DMD: variants seen among roughly 807,000 people sequenced by gnomAD.
DMD encodes mutant dystrophin.
In DMD, 63 loss-of-function variants were observed where a neutral mutation model predicts 330.1. The ratio of observed to expected loss-of-function variants is 0.19; its 90% confidence interval spans 0.16 to 0.24. The LOEUF is 0.24. Among genes scored for constraint, DMD ranks in the 10% least tolerant of loss-of-function variants. DMD has a pLI of 1.00. For missense variants in DMD, 3,344 were observed against 2,684.1 expected (o/e 1.25, Z -5.43); for synonymous variants, 1,223 against 959.8 (o/e 1.27, Z -5.07).
chrX:32,662,055 T>A (rs1169294181), intron 9 of DMD, among the ~76,000 whole-genome samples: 1 of 111,395 alleles, frequency 9.0e-6, no homozygotes, highest in East Asian at 2.8e-4. Flanking sequence ...CATAGTGAGA[T>A]AATCAATACT....
intron 55 of DMD, among the ~76,000 whole-genome samples, chrX:31,618,199 C>T (rs1430042029): frequency 9.6e-6 from 1 of 104,043 alleles, no homozygotes; most frequent in African/African-American, 3.6e-5. Flanking sequence ...TGTAACAAAC[C>T]TGCACATGTG....
chrX:32,565,718 T>C lies in DMD; in HGVS notation c.1976A>G (p.Glu659Gly), dbSNP rs781735140. Residue 659 changes from glutamate to glycine, a missense_variant, in exon 16 of 79, where the codon GAA (glutamate) becomes GGA (glycine). Physicochemically the swap from Glu to Gly is moderately conservative, Grantham distance 98. Transcript: ENST00000357033. ...ATCACTAACCTGTGCTGTACTCTTT[T>C]CAAGTTTTTGGACTAAATTATCCCA... ...RCWDNLVQKL[E>G]KSTAQISQAV... The C allele has an allele frequency of 8.3e-7, 1 of 1,211,717 alleles. No individual in the cohort carries two copies. The highest frequency in any genetic ancestry group is 1.1e-6 in the Non-Finnish European group (1 of 895,329).
intron 43 of DMD, among the ~76,000 whole-genome samples, chrX:32,231,733 G>A (rs1167916883): frequency 5.4e-5 from 6 of 111,557 alleles, no homozygotes; most frequent in African/African-American, 1.6e-4. Context: ...TAATTAACAA[G>A]AGCCTATACA....
At chrX:33,150,242 T>C (rs975603783) in intron 1 of DMD, among the ~76,000 whole-genome samples, 2 of 108,905 alleles carry the variant, frequency 1.8e-5, no homozygotes, top group African/African-American at 6.7e-5. Flanking sequence ...TACCACCAAA[T>C]CCTCTTGATT....
chrX:32,847,525 T>C (rs1467373977), intron 3 of DMD, among the ~76,000 whole-genome samples: 3 of 112,329 alleles, frequency 2.7e-5, no homozygotes, highest in Non-Finnish European at 5.6e-5. Context: ...CAGAAACTAT[T>C]AGAATTCAAG....
intron 47 of DMD, among the ~76,000 whole-genome samples, chrX:31,919,376 G>A (rs1360897585): frequency 8.9e-6 from 1 of 112,557 alleles, no homozygotes; most frequent in African/African-American, 3.2e-5. Context: ...ATCACAGTCA[G>A]AATGTGTCAC....
intron 1 of DMD, among the ~76,000 whole-genome samples, chrX:33,089,809 C>T (rs1256635880): frequency 1.8e-5 from 2 of 109,937 alleles, no homozygotes; most frequent in Admixed American, 9.8e-5. Flanking sequence ...TACAAAAGGA[C>T]GTTTAAAAAA....
chrX:32,559,489 A>G (rs1254741662), intron 16 of DMD, among the ~76,000 whole-genome samples: 1 of 111,919 alleles, frequency 8.9e-6, no homozygotes, highest in African/African-American at 3.2e-5. Flanking sequence ...AAAGCCTTAG[A>G]GTATTTTTAA....
intron 66 of DMD, among the ~76,000 whole-genome samples, chrX:31,205,339 T>C (rs991660303): frequency 4.5e-5 from 5 of 112,213 alleles, no homozygotes; most frequent in Non-Finnish European, 7.5e-5. Flanking sequence ...TGCTCTCCGA[T>C]ATACATACCT....
chrX:31,550,748 C>A (rs2074424523), intron 55 of DMD, among the ~76,000 whole-genome samples: 1 of 111,800 alleles, frequency 8.9e-6, no homozygotes, highest in Admixed American at 9.5e-5. Context: ...GTAACTATAT[C>A]CACTAAAGTC....
chrX:32,385,332 G>C (rs2097950455), intron 33 of DMD, among the ~76,000 whole-genome samples: 1 of 110,807 alleles, frequency 9.0e-6, no homozygotes, highest in Non-Finnish European at 1.9e-5. Context: ...AAATGGTTCT[G>C]AGAAATTGGA....
At chrX:32,501,071 A>C (rs991135307) in intron 19 of DMD, among the ~76,000 whole-genome samples, 1 of 112,223 alleles carries the variant, frequency 8.9e-6, no homozygotes, top group Admixed American at 9.5e-5. Context: ...TAGCAATGAT[A>C]ATTTGAAAGA....
chrX:31,618,605 A>G (rs1222740223), intron 55 of DMD, among the ~76,000 whole-genome samples: 1 of 111,949 alleles, frequency 8.9e-6, no homozygotes, highest in Non-Finnish European at 1.9e-5. Context: ...TGCTGAGTCA[A>G]TGTAGAGTAA....
At chrX:32,212,289 G>C (rs986290125) in intron 44 of DMD, among the ~76,000 whole-genome samples, 3 of 111,613 alleles carry the variant, frequency 2.7e-5, no homozygotes, top group Non-Finnish European at 5.7e-5. Flanking sequence ...GAAATTTCCA[G>C]GTTGGTTTTT....
At chrX:31,990,493 C>T (rs1356397716) in intron 44 of DMD, among the ~76,000 whole-genome samples, 1 of 112,033 alleles carries the variant, frequency 8.9e-6, no homozygotes, top group African/African-American at 3.2e-5. Context: ...GTTAAGGTTG[C>T]CTTTATAGTA....
chrX:32,810,655 T>G (rs986860205), intron 6 of DMD, among the ~76,000 whole-genome samples: 1 of 112,088 alleles, frequency 8.9e-6, no homozygotes, highest in South Asian at 3.7e-4. Context: ...CCAAAATCCA[T>G]TTTATCTTGC....
At position 33,281,024 on chromosome X, in the gene DMD, G is replaced by C. The variant is rs972499409; in HGVS notation, c.7+58235C>G. 2.8e-4 allele frequency among the ~76,000 whole-genome samples: 31 copies of C among 111,691 alleles called. 1 individual carries two copies. Among genetic ancestry groups the C allele is most frequent in the African/African-American group, 9.1e-4 (28 of 30,717 alleles). ...TGTCTTAAAAATAGATCAACTTAGAGAGAATTCACATCTTTACTATGGTGA... is the reference window on the plus strand; with the variant it reads ...TGTCTTAAAAATAGATCAACTTAGACAGAATTCACATCTTTACTATGGTGA... On this transcript the variant is annotated intron_variant, in intron 1 of 17. Coordinates refer to the DMD transcript ENST00000288447.
chrX:32,717,567 C>T (rs1050370670), intron 7 of DMD, among the ~76,000 whole-genome samples: 15 of 111,820 alleles, frequency 1.3e-4, no homozygotes, highest in African/African-American at 4.9e-4. Flanking sequence ...TCTACTAGGG[C>T]AGTGCAGAAG....
intron 1 of DMD, among the ~76,000 whole-genome samples, chrX:33,050,094 C>T (rs1479450424): frequency 9.0e-6 from 1 of 110,747 alleles, no homozygotes; most frequent in Non-Finnish European, 1.9e-5. Flanking sequence ...GCACTGAAAC[C>T]ATTCCAAAAA....
Sources: gnomAD v4.1 joint callset for allele counts (sites outside exome capture counted in the v4.1 genomes callset) on GRCh38, gnomAD v4.1.1 for gene constraint, MANE v1.5 for transcripts, NCBI Gene and HGNC (gene_info 2026-07-23, HGNC 2026-07-21) for gene names.